Variants in TYR observed in about 807,000 individuals in gnomAD.
TYR encodes LB24-AB.
Under a neutral mutation model 51.5 loss-of-function variants are expected in TYR, and 58 were observed. The ratio of observed to expected loss-of-function variants is 1.13; its 90% confidence interval spans 0.91 to 1.40. The LOEUF is 1.40. Among genes scored for constraint, TYR ranks in the 40% most tolerant of loss-of-function variants. The pLI is 0.00. For synonymous variants in TYR, 263 were observed against 235.2 expected, an observed-to-expected ratio of 1.12 and a Z score of -1.08; for missense variants, 732 against 647.4, an observed-to-expected ratio of 1.13 and a Z score of -1.42.
chr11:89,244,513 A>G (rs1027307286), intron 3 of TYR, among the ~76,000 whole-genome samples: 2 of 152,162 alleles, frequency 1.3e-5, no homozygotes, highest in South Asian at 2.1e-4. Context: ...TTGCAAATCC[A>G]TGTCTCACTT....
At chr11:89,294,901 G>A (rs925655424) in intron 4 of TYR, among the ~76,000 whole-genome samples, 1 of 152,048 alleles carries the variant, frequency 6.6e-6, no homozygotes, top group African/African-American at 2.4e-5. Context: ...AATCACTTAC[G>A]GATGTTATCT....
chr11:89,207,922 TTCTC>T (rs1226690597), intron 2 of TYR, among the ~76,000 whole-genome samples: 21 of 152,308 alleles, frequency 1.4e-4, no homozygotes, highest in Admixed American at 3.3e-4. Context: ...CACATCAGAT[TTCTC>T]TCTATTATTT....
chr11:89,256,485 G>A (rs111819381), intron 3 of TYR, among the ~76,000 whole-genome samples: 6 of 142,980 alleles, frequency 4.2e-5, no homozygotes, highest in South Asian at 2.2e-4. Flanking sequence ...GTGTGTGTGT[G>A]TATATGTGTG....
chr11:89,209,410 C>A (rs1173284529), intron 2 of TYR, among the ~76,000 whole-genome samples: 1 of 152,166 alleles, frequency 6.6e-6, no homozygotes, highest in Non-Finnish European at 1.5e-5. Flanking sequence ...ATTGCTGAGG[C>A]TTGAGTAGGC....
intron 3 of TYR, among the ~76,000 whole-genome samples, chr11:89,258,358 C>A (rs1944419506): frequency 6.6e-6 from 1 of 150,428 alleles, no homozygotes; most frequent in Middle Eastern, 3.4e-3. Flanking sequence ...TTGCTAGAAG[C>A]CTGATGGATG....
chr11:89,222,875 A>C (rs1943930241), intron 2 of TYR, among the ~76,000 whole-genome samples: 1 of 152,210 alleles, frequency 6.6e-6, no homozygotes, highest in Non-Finnish European at 1.5e-5. Flanking sequence ...ACATTGAGCT[A>C]TTTTGGCATC....
chr11:89,279,382 C>T (rs553878390), intron 3 of TYR, among the ~76,000 whole-genome samples: 10 of 151,696 alleles, frequency 6.6e-5, no homozygotes, highest in East Asian at 2.0e-4. Flanking sequence ...CTGCCCTATA[C>T]GTAGGAGGAG....
intron 1 of TYR, among the ~76,000 whole-genome samples, chr11:89,179,456 G>T (rs1943272039): frequency 6.6e-6 from 1 of 152,040 alleles, no homozygotes; most frequent in African/African-American, 2.4e-5. Context: ...GTGTTTTTGT[G>T]CATTCGTTCA....
intron 3 of TYR, among the ~76,000 whole-genome samples, chr11:89,249,308 G>C (rs1310300909): frequency 2.0e-5 from 3 of 151,854 alleles, no homozygotes; most frequent in Admixed American, 2.0e-4. Context: ...TGAGGTCACA[G>C]AAATTGAGTA....
At chr11:89,224,367 T>C (rs145864983) in intron 2 of TYR, among the ~76,000 whole-genome samples, 8 of 152,268 alleles carry the variant, frequency 5.3e-5, no homozygotes, top group Middle Eastern at 3.4e-3. Context: ...TCTCTTATCA[T>C]TGAAGCCCAA....
At chr11:89,288,419 C>A (rs900655828) in intron 4 of TYR, among the ~76,000 whole-genome samples, 1 of 151,996 alleles carries the variant, frequency 6.6e-6, no homozygotes, top group Non-Finnish European at 1.5e-5. Flanking sequence ...TATGCTCCAC[C>A]TCTTTGTTCC....
intron 3 of TYR, among the ~76,000 whole-genome samples, chr11:89,254,924 CT>C (rs1944372150): frequency 6.6e-6 from 1 of 151,542 alleles, no homozygotes; most frequent in Non-Finnish European, 1.5e-5. Flanking sequence ...TCTATTTGTG[CT>C]TTTTCAGACT....
chr11:89,285,099 G>C, intron 4 of TYR, 145 bp downstream of exon 4: 2 of 733,758 alleles, frequency 2.7e-6, no homozygotes, highest in Non-Finnish European at 4.5e-6. Flanking sequence ...TTTATTACCA[G>C]TTTATTATCA....
intron 3 of TYR, among the ~76,000 whole-genome samples, chr11:89,229,678 A>G (rs1276208280): frequency 1.3e-5 from 2 of 152,064 alleles, no homozygotes; most frequent in Admixed American, 1.3e-4. Flanking sequence ...AACTGTTAAA[A>G]CTGATAAATT....
At position 89,287,015 on chromosome 11, in the gene TYR, CTCTT is replaced by C. The variant is rs1188586057; in HGVS notation, c.1366+2065_1366+2068del. On this transcript the variant is annotated intron_variant, in intron 4 of 4. Coordinates refer to ENST00000263321, the MANE Select transcript of TYR (RefSeq NM_000372.5). ...TATTGTTTCTGCCTGAATTCTGACTCTCTTTCTCCATTTGTCAAACTCTCAGATA... is the reference window on the plus strand; with the variant it reads ...TATTGTTTCTGCCTGAATTCTGACTCTCTCCATTTGTCAAACTCTCAGATA... Among the ~76,000 whole-genome samples, 27 of 151,942 alleles carry C rather than the reference CTCTT, an allele frequency of 1.8e-4. 1 individual carries two copies. The East Asian group carries it at 4.3e-3, about 24-fold the overall frequency.
intron 3 of TYR, 55 bp downstream of exon 3, chr11:89,228,025 C>G (rs945880757): frequency 2.5e-6 from 4 of 1,585,736 alleles, no homozygotes; most frequent in Non-Finnish European, 3.5e-6. Context: ...ATAGAGGGTG[C>G]CTATCAAATG....
At chr11:89,179,703 T>C (rs563541585) in intron 1 of TYR, among the ~76,000 whole-genome samples, 1 of 152,350 alleles carries the variant, frequency 6.6e-6, no homozygotes, top group East Asian at 1.9e-4. Flanking sequence ...GTTAGCTTTC[T>C]TTCTCAGTCC....
At chr11:89,280,959 G>T (rs1944714796) in intron 3 of TYR, among the ~76,000 whole-genome samples, 1 of 151,786 alleles carries the variant, frequency 6.6e-6, no homozygotes, top group African/African-American at 2.4e-5. Context: ...CTCAGAGATA[G>T]TTCATGTATT....
chr11:89,245,949 AC>A (rs1315273539), intron 3 of TYR, among the ~76,000 whole-genome samples: 22 of 152,072 alleles, frequency 1.4e-4, no homozygotes, highest in Admixed American at 2.6e-4. Context: ...AACAAAAAAA[AC>A]AAAACAGAAT....
Sources: gnomAD v4.1 joint callset for allele counts (sites outside exome capture counted in the v4.1 genomes callset) on GRCh38, gnomAD v4.1.1 for gene constraint, MANE v1.5 for transcripts, NCBI Gene and HGNC (gene_info 2026-07-23, HGNC 2026-07-21) for gene names.